TBX15: variants seen among roughly 807,000 people sequenced by gnomAD.
TBX15 encodes T-box transcription factor 15, also known as T-box transcription factor TBX15.
TBX15 carries 18 observed loss-of-function variants against 53.9 expected under a neutral mutation model. The ratio of observed to expected loss-of-function variants is 0.33; its 90% CI spans 0.23 to 0.49. The LOEUF (loss-of-function observed/expected upper bound fraction) is 0.49, where lower values mean the gene tolerates loss of function less well. TBX15 is among the 20% of genes least tolerant of loss of function. TBX15 has a pLI of 0.98. For synonymous variants in TBX15, 295 were observed against 278.0 expected (o/e 1.06, Z -0.61); for missense variants, 692 against 749.5 (o/e 0.92, Z 0.90).
intron 1 of TBX15, among the ~76,000 whole-genome samples, chr1:118,985,417 C>A (rs1341919603): frequency 6.6e-6 from 1 of 152,252 alleles, no homozygotes; most frequent in Non-Finnish European, 1.5e-5. Flanking sequence ...CCGCCTGAGT[C>A]TGGAGCCGAC....
At chr1:118,911,755 G>A (rs1451771778) in intron 6 of TBX15, among the ~76,000 whole-genome samples, 1 of 152,098 alleles carries the variant, frequency 6.6e-6, no homozygotes, top group Non-Finnish European at 1.5e-5. Flanking sequence ...GTAGCCACAG[G>A]GCCTCCTTGA....
Position 118,899,065 on chromosome 1 carries a change from G to A in TBX15, c.987C>T (p.Leu329=). 1 of 1,613,700 alleles carries A rather than the reference G, an allele frequency of 6.2e-7. No individual in the cohort carries two copies. Reference sequence around the variant, plus strand: ...GCATGGTGGTGAAGTCTTCGAAGGTGAGTGTGCGCACAGGAGGTCTCCAGA... The same window carrying A: ...GCATGGTGGTGAAGTCTTCGAAGGTAAGTGTGCGCACAGGAGGTCTCCAGA... The part of the protein sequence containing the change: ...YAFWRPPVRT[L]TFEDFTTMQK... The change falls in exon 7 of 8, where the codon CTC becomes CTT. Residue 329 remains leucine (L), a synonymous_variant. Transcript: ENST00000369429.
In TBX15 at chr1:118,987,643, G is replaced by A. The variant is rs1251332305; in HGVS notation, c.153C>T (p.Gly51=). Residue 51 remains glycine (G), a synonymous_variant, in exon 1 of 8, where the codon GGC becomes GGT. Transcript: ENST00000369429. The part of the protein sequence containing the change: ...DLSMEALSPA[G]PLGDTEDAAA... ...CCGCGTCCTCCGTGTCTCCGAGTGG[G>A]CCCGCGGGGCTCAGCGCCTCCATAG... The A allele has an allele frequency of 7.1e-6, 11 of 1,550,004 alleles. No homozygotes were observed. Among genetic ancestry groups the A allele is most frequent in the Middle Eastern group, 1.7e-4 (1 of 5,830 alleles).
intron 5 of TBX15, among the ~76,000 whole-genome samples, chr1:118,915,499 C>T (rs1458017751): frequency 6.6e-6 from 1 of 152,166 alleles, no homozygotes; most frequent in Non-Finnish European, 1.5e-5. Context: ...TAAAATTGCA[C>T]ACTAATTATG....
chr1:118,971,142 A>T (rs1255616198), intron 1 of TBX15, among the ~76,000 whole-genome samples: 2 of 152,218 alleles, frequency 1.3e-5, no homozygotes, highest in African/African-American at 4.8e-5. Flanking sequence ...AGGTTCCCAC[A>T]ATCTAATTAT....
rs916746466 is a variant in TBX15 at position 118,982,903 on chromosome 1, C to T, written c.205+4688G>A. On this transcript the variant is annotated intron_variant, in intron 1 of 7. Coordinates refer to ENST00000369429, the MANE Select transcript of TBX15 (RefSeq NM_001330677.2). ...TACCCAAAGTGGCAAGCTCAGAGCC[C>T]AAATATAGTGCTCAGCAAGAAATAA... Among the ~76,000 whole-genome samples, 8 of 152,138 alleles carry T rather than the reference C, an allele frequency of 5.3e-5. No homozygotes were observed. The East Asian group carries it at 9.6e-4, about 18-fold the overall frequency.
intron 7 of TBX15, among the ~76,000 whole-genome samples, chr1:118,893,356 G>GAAA (rs1654238452): frequency 4.7e-4 from 24 of 51,054 alleles, no homozygotes; most frequent in African/African-American, 1.3e-3. Context: ...AAGGAAGGAA[G>GAAA]GAAAGAAAGA....
chr1:118,907,469 T>A (rs1654877478), intron 6 of TBX15, among the ~76,000 whole-genome samples: 1 of 152,208 alleles, frequency 6.6e-6, no homozygotes, highest in Non-Finnish European at 1.5e-5. Flanking sequence ...TTCTGTAAAA[T>A]CTTGGCAGCC....
intron 1 of TBX15, among the ~76,000 whole-genome samples, chr1:118,942,345 C>T (rs1402984751): frequency 1.3e-5 from 2 of 152,128 alleles, no homozygotes; most frequent in African/African-American, 4.8e-5. Context: ...CTATTATGCA[C>T]TCAATAAAAT....
chr1:118,958,495 T>G (rs545546364), intron 1 of TBX15, among the ~76,000 whole-genome samples: 1 of 152,240 alleles, frequency 6.6e-6, no homozygotes, highest in Non-Finnish European at 1.5e-5. Flanking sequence ...AATATTTTGA[T>G]GTTTAGTTCA....
intron 5 of TBX15, among the ~76,000 whole-genome samples, chr1:118,917,214 T>G (rs1265365644): frequency 6.6e-6 from 1 of 152,142 alleles, no homozygotes; most frequent in African/African-American, 2.4e-5. Context: ...GTGATACATA[T>G]ACATCATGGA....
chr1:118,943,340 G>A (rs1415568566), intron 1 of TBX15, among the ~76,000 whole-genome samples: 1 of 152,088 alleles, frequency 6.6e-6, no homozygotes, highest in East Asian at 1.9e-4. Flanking sequence ...CAGGGCCTAG[G>A]GCAAAACTAT....
chr1:118,976,056 A>C (rs1247169155), intron 1 of TBX15, among the ~76,000 whole-genome samples: 1 of 152,162 alleles, frequency 6.6e-6, no homozygotes, highest in African/African-American at 2.4e-5. Flanking sequence ...ATATAAACAA[A>C]GTCTAGGGTG....
At chr1:118,922,750 T>C (rs1188578680) in intron 5 of TBX15, among the ~76,000 whole-genome samples, 1 of 152,202 alleles carries the variant, frequency 6.6e-6, no homozygotes, top group African/African-American at 2.4e-5. Context: ...AAACCCATGC[T>C]TAGTCCTCTT....
intron 1 of TBX15, among the ~76,000 whole-genome samples, chr1:118,985,300 C>A (rs1657794460): frequency 6.6e-6 from 1 of 152,152 alleles, no homozygotes; most frequent in African/African-American, 2.4e-5. Flanking sequence ...CATTACTCCT[C>A]CATACACACA....
At chr1:118,914,274 A>T (rs1304718499) in intron 5 of TBX15, 95 bp from the exon 6 acceptor site, 3 of 1,148,236 alleles carry the variant, frequency 2.6e-6, no homozygotes, top group Admixed American at 2.0e-5. Context: ...TTTTAATAAC[A>T]GTTGTTGCTT....
chr1:118,935,479 A>T (rs574258014), intron 1 of TBX15, among the ~76,000 whole-genome samples: 1 of 152,308 alleles, frequency 6.6e-6, no homozygotes, highest in East Asian at 1.9e-4. Context: ...TACTGTCAGA[A>T]TAGTATTTCA....
chr1:118,916,244 G>T (rs891409770), intron 5 of TBX15, among the ~76,000 whole-genome samples: 2 of 152,144 alleles, frequency 1.3e-5, no homozygotes, highest in Non-Finnish European at 2.9e-5. Context: ...CACAATAAAG[G>T]CAAAGTACCC....
intron 2 of TBX15, among the ~76,000 whole-genome samples, chr1:118,927,479 A>G (rs758145028): frequency 1.1e-4 from 16 of 152,370 alleles, no homozygotes; most frequent in Non-Finnish European, 1.9e-4. Context: ...AGGTGCTACC[A>G]GTCTCCAAAC....
Sources: gnomAD v4.1 joint callset for allele counts (sites outside exome capture counted in the v4.1 genomes callset) on GRCh38, gnomAD v4.1.1 for gene constraint, MANE v1.5 for transcripts, NCBI Gene and HGNC (gene_info 2026-07-23, HGNC 2026-07-21) for gene names.